Variants in ASIC2 observed in about 807,000 individuals in gnomAD.
The protein encoded by ASIC2 is acid-sensing ion channel 2.
A neutral mutation model predicts 57.3 loss-of-function variants in ASIC2; 25 were observed. The ratio of observed to expected loss-of-function variants is 0.44; its 90% CI spans 0.32 to 0.61. The LOEUF is 0.61. Ranked by LOEUF, ASIC2 falls within the 20% of genes least tolerant of loss-of-function variation. The probability of loss-of-function intolerance (pLI) is 0.06; values close to 1 mark genes in which losing one functional copy is unlikely to be tolerated. For synonymous variants in ASIC2, 319 were observed against 307.5 expected, an observed-to-expected ratio of 1.04 and a Z score of -0.39; for missense variants, 641 against 738.1, an observed-to-expected ratio of 0.87 and a Z score of 1.52.
chr17:34,012,246 TC>T (rs1489795545), intron 1 of ASIC2, among the ~76,000 whole-genome samples: 4 of 152,012 alleles, frequency 2.6e-5, no homozygotes, highest in Admixed American at 2.6e-4. Flanking sequence ...CAGAAATATC[TC>T]GATGCCTCCA....
At chr17:33,578,826 T>C (rs1916740444) in intron 1 of ASIC2, among the ~76,000 whole-genome samples, 2 of 152,304 alleles carry the variant, frequency 1.3e-5, no homozygotes, top group African/African-American at 4.8e-5. Flanking sequence ...GTTCAGGGAC[T>C]GTAATTAAAC....
chr17:33,751,035 GA>G (rs1205701207), intron 1 of ASIC2, among the ~76,000 whole-genome samples: 1 of 152,178 alleles, frequency 6.6e-6, no homozygotes. Flanking sequence ...AATGAAGGGA[GA>G]TGGGAGGGTT....
chr17:33,476,300 C>T (rs11080223), intron 1 of ASIC2, among the ~76,000 whole-genome samples: 152,248 of 152,248 alleles, frequency 1, 76,124 homozygotes, highest in Non-Finnish European at 1. Flanking sequence ...GCTTTTGAGC[C>T]ACAACTATGG....
chr17:33,166,848 C>T (rs1196215072), intron 1 of ASIC2, among the ~76,000 whole-genome samples: 1 of 152,184 alleles, frequency 6.6e-6, no homozygotes, highest in Admixed American at 6.5e-5. Flanking sequence ...TCAGCTAAAG[C>T]TTTAGCAAGA....
At chr17:33,654,554 T>C (rs1021624002) in intron 1 of ASIC2, among the ~76,000 whole-genome samples, 1 of 152,240 alleles carries the variant, frequency 6.6e-6, no homozygotes, top group Non-Finnish European at 1.5e-5. Context: ...TGTCAGATGA[T>C]GAGATAGGCC....
intron 2 of ASIC2, among the ~76,000 whole-genome samples, chr17:33,110,814 C>T (rs1051978180): frequency 5.3e-5 from 8 of 152,142 alleles, no homozygotes; most frequent in Non-Finnish European, 1.0e-4. Flanking sequence ...TGGGGCTCCA[C>T]CCTTTCCTCA....
chr17:33,565,443 C>A (rs1916204138), intron 1 of ASIC2, among the ~76,000 whole-genome samples: 3 of 152,230 alleles, frequency 2.0e-5, no homozygotes, highest in African/African-American at 7.2e-5. Context: ...CACAGCACCA[C>A]CTCTGCAGTC....
chr17:33,315,346 G>T (rs1906602074), intron 1 of ASIC2, among the ~76,000 whole-genome samples: 1 of 152,156 alleles, frequency 6.6e-6, no homozygotes, highest in Admixed American at 6.5e-5. Context: ...ATTATTCTGA[G>T]ATTTATTCAG....
At chr17:33,551,189 T>C (rs962228833) in intron 1 of ASIC2, among the ~76,000 whole-genome samples, 5 of 152,246 alleles carry the variant, frequency 3.3e-5, no homozygotes, top group African/African-American at 1.2e-4. Flanking sequence ...CGGTGCTTTT[T>C]CGATGAATAT....
intron 1 of ASIC2, among the ~76,000 whole-genome samples, chr17:33,984,975 C>T (rs894568464): frequency 1.1e-4 from 17 of 152,176 alleles, no homozygotes; most frequent in African/African-American, 4.1e-4. Context: ...AAAGGAAAGA[C>T]ATTCTAAAAG....
chr17:34,048,317 A>G (rs987824320), intron 1 of ASIC2, among the ~76,000 whole-genome samples: 1 of 152,212 alleles, frequency 6.6e-6, no homozygotes, highest in Non-Finnish European at 1.5e-5. Context: ...TCGGAGAAAT[A>G]AACTCAAAAC....
intron 1 of ASIC2, among the ~76,000 whole-genome samples, chr17:33,507,055 C>T (rs1914285483): frequency 6.6e-6 from 1 of 152,180 alleles, no homozygotes; most frequent in Non-Finnish European, 1.5e-5. Flanking sequence ...GGTCAAGGGG[C>T]CGGGAACACT....
At chr17:33,048,296 G>A (rs929306342) in intron 3 of ASIC2, among the ~76,000 whole-genome samples, 1 of 152,150 alleles carries the variant, frequency 6.6e-6, no homozygotes, top group African/African-American at 2.4e-5. Context: ...GGCACCTCGA[G>A]CTGACTAAGA....
intron 1 of ASIC2, among the ~76,000 whole-genome samples, chr17:33,718,282 G>T (rs146805474): frequency 1.2e-4 from 18 of 152,186 alleles, no homozygotes; most frequent in African/African-American, 4.1e-4. Context: ...CTGATCCAAG[G>T]TTAGTTGAAT....
chr17:33,536,954 A>G (rs1042900571), intron 1 of ASIC2, among the ~76,000 whole-genome samples: 2 of 152,118 alleles, frequency 1.3e-5, no homozygotes, highest in African/African-American at 2.4e-5. Context: ...TGAGGCTACA[A>G]TGAGCCATGA....
intron 1 of ASIC2, among the ~76,000 whole-genome samples, chr17:33,322,354 C>T (rs1396710655): frequency 1.3e-5 from 2 of 152,136 alleles, no homozygotes; most frequent in Non-Finnish European, 2.9e-5. Flanking sequence ...GAATGAGAGC[C>T]TTGTTTTCAT....
chr17:33,420,627 T>C (rs1210033139), intron 1 of ASIC2, among the ~76,000 whole-genome samples: 3 of 152,164 alleles, frequency 2.0e-5, no homozygotes, highest in Non-Finnish European at 4.4e-5. Flanking sequence ...CTGCTTTTGA[T>C]TGAGATATAA....
chr17:34,073,765 C>T (rs2189334), intron 1 of ASIC2, among the ~76,000 whole-genome samples: 132,563 of 152,136 alleles, frequency 0.87, 57,905 homozygotes, highest in South Asian at 0.9. Flanking sequence ...CTTATCCAGT[C>T]AGAAGAAACG....
upstream of ASIC2, among the ~76,000 whole-genome samples, chr17:33,296,339 C>A (rs1028942013): frequency 6.6e-6 from 1 of 152,040 alleles, no homozygotes; most frequent in African/African-American, 2.4e-5. Context: ...TCACTCCATC[C>A]CTGTGTTCTC....
Sources: allele counts gnomAD v4.1 joint callset (sites outside exome capture counted in the v4.1 genomes callset), GRCh38; gene constraint gnomAD v4.1.1; transcripts MANE v1.5; gene names NCBI Gene and HGNC (gene_info 2026-07-23, HGNC 2026-07-21).